Variants in WWC1 observed in about 807,000 individuals in gnomAD.
The protein encoded by WWC1 is WW and C2 domain containing 1.
A neutral mutation model predicts 138.4 loss-of-function variants in WWC1; 55 were observed. The ratio of observed to expected loss-of-function variants is 0.40; its 90% confidence interval spans 0.32 to 0.50. The LOEUF (loss-of-function observed/expected upper bound fraction) is 0.50, where lower values mean the gene tolerates loss of function less well. Ranked by LOEUF, WWC1 falls within the 20% of genes least tolerant of loss-of-function variation. WWC1 has a pLI of 0.72. For missense variants in WWC1, 1,226 were observed against 1,420.4 expected (o/e 0.86, Z 2.20); for synonymous variants, 524 against 564.9 (o/e 0.93, Z 1.03).
chr5:168,386,415 C>T (rs372612141), intron 3 of WWC1, among the ~76,000 whole-genome samples: 7 of 149,378 alleles, frequency 4.7e-5, no homozygotes, highest in African/African-American at 1.5e-4. Context: ...TCTTTTGAGA[C>T]GGAGTCTCGC....
chr5:168,372,623 A>T (rs1325835272), intron 2 of WWC1, among the ~76,000 whole-genome samples: 1 of 152,208 alleles, frequency 6.6e-6, no homozygotes, highest in East Asian at 1.9e-4. Flanking sequence ...TCCCCATGTC[A>T]TAAATGGGAT....
chr5:168,330,950 C>T (rs1365614421), intron 1 of WWC1, among the ~76,000 whole-genome samples: 5 of 152,196 alleles, frequency 3.3e-5, no homozygotes, highest in East Asian at 1.9e-4. Context: ...GCTGCCAAGA[C>T]GAGCTGGGTG....
intron 2 of WWC1, among the ~76,000 whole-genome samples, chr5:168,376,529 C>T (rs1213430472): frequency 2.6e-5 from 4 of 152,188 alleles, no homozygotes; most frequent in African/African-American, 9.7e-5. Context: ...ACCTAGACAA[C>T]CCTAAAGATT....
chr5:168,437,270 T>A (rs1240351716), intron 15 of WWC1, among the ~76,000 whole-genome samples: 1 of 152,146 alleles, frequency 6.6e-6, no homozygotes, highest in Non-Finnish European at 1.5e-5. Context: ...CCTTTCCCTG[T>A]AGTATTTTCC....
At chr5:168,397,045 ACT>A (rs1467339825) in intron 3 of WWC1, among the ~76,000 whole-genome samples, 1 of 152,022 alleles carries the variant, frequency 6.6e-6, no homozygotes, top group African/African-American at 2.4e-5. Flanking sequence ...TTACCATCTA[ACT>A]CTCTAGATAT....
Position 168,370,219 on chromosome 5 carries a change from G to C in WWC1, c.120-1205G>C, listed in dbSNP as rs1776647720. Among the ~76,000 whole-genome samples, 6 of 152,244 alleles carry C rather than the reference G, an allele frequency of 3.9e-5. No homozygotes were observed. In the South Asian group the frequency reaches 1.2e-3, roughly 32 times the overall value. On this transcript the variant is annotated intron_variant, in intron 1 of 22. Coordinates refer to ENST00000265293, the MANE Select transcript of WWC1 (RefSeq NM_015238.3). ...GGGCCCCGTTGCACAAATACTTATT[G>C]AGCGCCAATTGTGCTGGACACAGGA...
chr5:168,472,058 G>A lies in WWC1; in HGVS notation c.*3041G>A, dbSNP rs1757688631. 6.6e-6 allele frequency: 1 copy of A among 152,206 alleles called. No homozygotes were observed. The highest frequency in any genetic ancestry group is 1.5e-5 in the Non-Finnish European group (1 of 68,066). 9.4% of individuals were successfully genotyped at this position (152,206 alleles called of 1,614,324 possible). A position where few individuals can be genotyped will look rare whatever the true frequency, so the allele number is the denominator to read the frequency against. On this transcript the variant is annotated 3_prime_UTR_variant, in exon 23 of 23. Coordinates refer to ENST00000265293, the MANE Select transcript of WWC1 (RefSeq NM_015238.3). ...GCTGCTATGAAGCAGAGCTGTAAACGCCCTCCCTGTGTATAGGAAAAGCTA... is the reference window on the plus strand; with the variant it reads ...GCTGCTATGAAGCAGAGCTGTAAACACCCTCCCTGTGTATAGGAAAAGCTA...
rs1243571222 is a variant in WWC1, at chr5:168,471,503, C to T, written c.*2486C>T. 6.6e-6 allele frequency: 1 copy of T among 152,336 alleles called. No individual in the cohort carries two copies. 9.4% of individuals were successfully genotyped at this position (152,336 alleles called of 1,614,324 possible). The stretch of plus-strand genomic sequence containing the variant: ...CTGCTCTGTGGCACCTGTGCCTACA[C>T]TCCTCTGAGCTTTGAGGAGGCTGCT... On this transcript the variant is annotated 3_prime_UTR_variant, in exon 23 of 23. Transcript: ENST00000265293.
chr5:168,385,432 C>T lies in WWC1; in HGVS notation c.433+18C>T. 6.2e-7 allele frequency: 1 copy of T among 1,609,520 alleles called. No homozygotes were observed. The highest frequency in any genetic ancestry group is 8.5e-7 in the Non-Finnish European group (1 of 1,178,014). ...GGTCAGCTGTGAGTACCTCCCACTACCACCACCCCCACCGACACCAACAGA... is the reference window on the plus strand; with the variant it reads ...GGTCAGCTGTGAGTACCTCCCACTATCACCACCCCCACCGACACCAACAGA... On this transcript the variant is annotated intron_variant, in intron 3 of 22. Transcript: ENST00000265293.
intron 3 of WWC1, among the ~76,000 whole-genome samples, chr5:168,395,459 G>A (rs116517206): frequency 0.017 from 2,635 of 152,258 alleles, 75 homozygotes; most frequent in African/African-American, 0.059. Context: ...GGACCTATTT[G>A]GGAAATACAG....
chr5:168,397,550 G>C (rs1007730495), intron 3 of WWC1, among the ~76,000 whole-genome samples, 174 bp from the exon 4 acceptor site: 1 of 151,884 alleles, frequency 6.6e-6, no homozygotes, highest in South Asian at 2.1e-4. Flanking sequence ...TTTAAGTTGC[G>C]TAGTCCCCGT....
chr5:168,388,442 A>T (rs1778206269), intron 3 of WWC1, among the ~76,000 whole-genome samples: 1 of 152,196 alleles, frequency 6.6e-6, no homozygotes, highest in African/African-American at 2.4e-5. Flanking sequence ...AATATGTAGG[A>T]GAATGTCTAC....
chr5:168,436,130 A>G (rs1457188007), intron 15 of WWC1, among the ~76,000 whole-genome samples: 2 of 152,026 alleles, frequency 1.3e-5, no homozygotes, highest in Non-Finnish European at 2.9e-5. Flanking sequence ...GACGTGAGCC[A>G]CCGTGCCTGG....
intron 1 of WWC1, among the ~76,000 whole-genome samples, chr5:168,295,329 T>A (rs1372094981): frequency 6.6e-6 from 1 of 150,652 alleles, no homozygotes; most frequent in Non-Finnish European, 1.5e-5. Context: ...GGATGGGCTA[T>A]GAGAAAAAGG....
In WWC1 at chr5:168,455,478, T is replaced by G; in HGVS notation, c.2781T>G (p.Ser927=). ...TTCGAGGGAGCACCATCATCCGCTC[T>G]AAGACCTTCTCCCCAGGACCCCAGA... is the stretch of plus-strand genomic sequence containing the variant. The part of the protein sequence containing the change: ...PFLRGSTIIR[S]KTFSPGPQSQ... Residue 927 remains serine, a synonymous_variant, in exon 19 of 23, where the codon TCT becomes TCG. Coordinates refer to ENST00000265293, the MANE Select transcript of WWC1 (RefSeq NM_015238.3). 4 of 1,613,190 alleles carry G rather than the reference T, an allele frequency of 2.5e-6. No homozygotes were observed. Among genetic ancestry groups the G allele is most frequent in the Non-Finnish European group, 3.4e-6 (4 of 1,179,602 alleles).
intron 15 of WWC1, among the ~76,000 whole-genome samples, chr5:168,433,768 C>A (rs1345287770): frequency 6.6e-6 from 1 of 152,164 alleles, no homozygotes; most frequent in East Asian, 1.9e-4. Context: ...GAACTCCTGA[C>A]CTCAAGTGAT....
At chr5:168,386,831 G>C (rs1053432320) in intron 3 of WWC1, among the ~76,000 whole-genome samples, 2 of 151,746 alleles carry the variant, frequency 1.3e-5, no homozygotes, top group East Asian at 3.9e-4. Flanking sequence ...TGTATTTTTA[G>C]TAAAGACAGG....
At chr5:168,301,500 TGGTAGCA>T (rs1770071715) in intron 1 of WWC1, among the ~76,000 whole-genome samples, 1 of 152,052 alleles carries the variant, frequency 6.6e-6, no homozygotes, top group Non-Finnish European at 1.5e-5. Flanking sequence ...TAGCCAGGCG[TGGTAGCA>T]GGCGCCTGTA....
At chr5:168,357,488 G>GTT (rs1561652967) in intron 1 of WWC1, among the ~76,000 whole-genome samples, 1 of 105,312 alleles carries the variant, frequency 9.5e-6, no homozygotes, top group Non-Finnish European at 1.7e-5. Context: ...GTGTGTGTGT[G>GTT]TGTGTGCGCG....
Sources: allele counts gnomAD v4.1 joint callset (sites outside exome capture counted in the v4.1 genomes callset), GRCh38; gene constraint gnomAD v4.1.1; transcripts MANE v1.5; gene names NCBI Gene and HGNC (gene_info 2026-07-23, HGNC 2026-07-21).